Variants in CHODL observed in about 807,000 individuals in gnomAD.
CHODL encodes the protein chondrolectin, also known as transmembrane protein MT75.
In CHODL, 29 loss-of-function variants were observed where a neutral mutation model predicts 34.5. The ratio of observed to expected loss-of-function variants is 0.84; its 90% CI spans 0.63 to 1.15. The LOEUF (loss-of-function observed/expected upper bound fraction) is 1.15. Among genes scored for constraint, CHODL ranks in the 50% most tolerant of loss-of-function variants. The pLI is 0.00. For missense variants in CHODL, 332 were observed against 332.5 expected (o/e 1.00, Z 0.01); for synonymous variants, 125 against 116.1 (o/e 1.08, Z -0.49).
chr21:18,226,708 A>G (rs1359112481), intron 2 of CHODL, among the ~76,000 whole-genome samples: 1 of 152,132 alleles, frequency 6.6e-6, no homozygotes, highest in Admixed American at 6.6e-5. Flanking sequence ...GATCTTTTAT[A>G]ATCACAGCCC....
chr21:18,186,393 A>G (rs1161305421), intron 2 of CHODL, among the ~76,000 whole-genome samples: 1 of 150,936 alleles, frequency 6.6e-6, no homozygotes, highest in Non-Finnish European at 1.5e-5. Flanking sequence ...TAGGGAAGAA[A>G]AGTTAAAAAA....
Position 18,262,876 on chromosome 21 carries a change from C to A in CHODL, c.720C>A (p.Phe240Leu). The change falls in exon 5 of 6, where the codon TTC becomes TTA. Residue 240 changes from phenylalanine (F) to leucine (L), a missense_variant. Phe to Leu is a conservative substitution (Grantham distance 22). Coordinates refer to ENST00000299295, the MANE Select transcript of CHODL (RefSeq NM_024944.3). ...TGGTTGCTTTTGGAACCTGTTGTTT[C>A]CAGATGCTGCATAAAAGGTAAATAA... Reference protein sequence around the residue: ...LILVAFGTCCFQMLHKSKGRT... With the variant: ...LILVAFGTCCLQMLHKSKGRT... 2 of 1,598,776 alleles carry A rather than the reference C, an allele frequency of 1.3e-6. No individual in the cohort carries two copies. The highest frequency in any genetic ancestry group is 8.6e-7 in the Non-Finnish European group (1 of 1,166,724).
chr21:18,119,445 C>T (rs1235118686), intron 2 of CHODL, among the ~76,000 whole-genome samples: 1 of 152,112 alleles, frequency 6.6e-6, no homozygotes, highest in East Asian at 1.9e-4. Context: ...GTAGTGTTCA[C>T]AGTGCTAACC....
chr21:18,263,474 G>C (rs2074407070), intron 5 of CHODL, among the ~76,000 whole-genome samples: 1 of 152,072 alleles, frequency 6.6e-6, no homozygotes, highest in Non-Finnish European at 1.5e-5. Context: ...CAAGATTTCT[G>C]GGGGAATATT....
chr21:18,117,293 A>T (rs1397223479), intron 2 of CHODL, among the ~76,000 whole-genome samples: 1 of 152,174 alleles, frequency 6.6e-6, no homozygotes, highest in Non-Finnish European at 1.5e-5. Flanking sequence ...GTTGTGTTAG[A>T]TCATTTATCC....
chr21:17,938,956 C>A (rs1339295349), intron 1 of CHODL, among the ~76,000 whole-genome samples: 1 of 151,968 alleles, frequency 6.6e-6, no homozygotes, highest in Non-Finnish European at 1.5e-5. Context: ...TTATCAATAT[C>A]TACAAATAAA....
chr21:18,135,195 A>G (rs946419713), intron 2 of CHODL, among the ~76,000 whole-genome samples: 2 of 152,204 alleles, frequency 1.3e-5, no homozygotes, highest in African/African-American at 4.8e-5. Flanking sequence ...GGAAAATTCT[A>G]TTTCATCCTG....
chr21:18,239,136 GT>G (rs1374804932), intron 2 of CHODL, among the ~76,000 whole-genome samples: 1 of 152,038 alleles, frequency 6.6e-6, no homozygotes, highest in Non-Finnish European at 1.5e-5. Context: ...TTCTGTTCAT[GT>G]TTATTTTATA....
At chr21:18,039,398 C>G (rs899687692) in intron 2 of CHODL, among the ~76,000 whole-genome samples, 3 of 151,638 alleles carry the variant, frequency 2.0e-5, no homozygotes, top group Admixed American at 6.6e-5. Flanking sequence ...ATATCCCATG[C>G]TGTTCTCTAA....
chr21:17,985,155 A>G (rs760237578), intron 1 of CHODL, among the ~76,000 whole-genome samples: 4 of 152,202 alleles, frequency 2.6e-5, no homozygotes, highest in African/African-American at 9.6e-5. Context: ...TATCTATAAT[A>G]TAGATACTTC....
At chr21:18,150,246 G>A (rs1318816277) in intron 2 of CHODL, among the ~76,000 whole-genome samples, 1 of 152,140 alleles carries the variant, frequency 6.6e-6, no homozygotes, top group African/African-American at 2.4e-5. Context: ...CCTTCAGGTA[G>A]CAGGCCTCAG....
intron 2 of CHODL, among the ~76,000 whole-genome samples, chr21:18,104,010 G>A (rs527866296): frequency 2.6e-5 from 4 of 152,272 alleles, no homozygotes; most frequent in Admixed American, 6.5e-5. Context: ...GACAATGTCT[G>A]TTAGGTTCCT....
At chr21:18,036,826 T>C (rs1322847697) in intron 2 of CHODL, among the ~76,000 whole-genome samples, 1 of 151,998 alleles carries the variant, frequency 6.6e-6, no homozygotes, top group African/African-American at 2.4e-5. Context: ...ACTCTAATAT[T>C]AGCCAGGAAA....
rs1033862897 is a variant in CHODL, at chr21:18,266,954, A to G, written c.*916A>G. 2.6e-5 allele frequency: 4 copies of G among 152,264 alleles called. No individual in the cohort carries two copies. Among genetic ancestry groups the G allele is most frequent in the African/African-American group, 9.6e-5 (4 of 41,470 alleles). 9.4% of individuals were successfully genotyped at this position (152,264 alleles called of 1,614,324 possible). ...AATCAATGTGGTCCCTCTCTTGCCCACTAAACAAAGATGGTTGTTCGGGGT... is the reference window on the plus strand; with the variant it reads ...AATCAATGTGGTCCCTCTCTTGCCCGCTAAACAAAGATGGTTGTTCGGGGT... On this transcript the variant is annotated 3_prime_UTR_variant, in exon 6 of 6. Coordinates refer to ENST00000299295, the MANE Select transcript of CHODL (RefSeq NM_024944.3).
chr21:17,996,750 C>T (rs927041060), intron 1 of CHODL, among the ~76,000 whole-genome samples: 2 of 152,152 alleles, frequency 1.3e-5, no homozygotes, highest in Non-Finnish European at 2.9e-5. Flanking sequence ...GACTGAAGTA[C>T]TTCATGAATT....
At chr21:17,973,421 T>C (rs549663929) in intron 1 of CHODL, among the ~76,000 whole-genome samples, 16 of 140,044 alleles carry the variant, frequency 1.1e-4, no homozygotes, top group South Asian at 4.5e-4. Flanking sequence ...TTCTTTCTTT[T>C]TTTTTTTTTT....
At chr21:18,206,307 A>G (rs2073711141) in intron 2 of CHODL, among the ~76,000 whole-genome samples, 1 of 152,162 alleles carries the variant, frequency 6.6e-6, no homozygotes, top group African/African-American at 2.4e-5. Context: ...TTTGTATATC[A>G]GAATACTGCA....
intron 1 of CHODL, among the ~76,000 whole-genome samples, chr21:17,961,966 T>C (rs184876298): frequency 1.3e-5 from 2 of 152,302 alleles, no homozygotes; most frequent in East Asian, 3.9e-4. Flanking sequence ...CTTGAGATGT[T>C]AGAAAGAATT....
chr21:17,959,477 C>T (rs540208510), intron 1 of CHODL, among the ~76,000 whole-genome samples: 1 of 152,252 alleles, frequency 6.6e-6, no homozygotes, highest in African/African-American at 2.4e-5. Context: ...TATACTCTGA[C>T]TTTTGATGAA....
Sources: allele counts gnomAD v4.1 joint callset (sites outside exome capture counted in the v4.1 genomes callset), GRCh38; gene constraint gnomAD v4.1.1; transcripts MANE v1.5; gene names NCBI Gene and HGNC (gene_info 2026-07-23, HGNC 2026-07-21).